Variants in ZSWIM6 observed in about 807,000 individuals in gnomAD.
ZSWIM6 encodes zinc finger SWIM domain-containing protein 6.
In ZSWIM6, 9 loss-of-function variants were observed where a neutral mutation model predicts 113.2. The observed-to-expected ratio is 0.08, with a 90% CI of 0.05 to 0.14. ZSWIM6 has a LOEUF of 0.14. Among genes scored for constraint, ZSWIM6 ranks in the 10% least tolerant of loss-of-function variants. The probability of loss-of-function intolerance (pLI) is 1.00; values close to 1 mark genes in which losing one functional copy is unlikely to be tolerated. For missense variants in ZSWIM6, 1,162 were observed against 1,552.2 expected (o/e 0.75, Z 4.22); for synonymous variants, 611 against 606.5 (o/e 1.01, Z -0.11).
At chr5:61,451,438 A>G (rs528665723) in intron 1 of ZSWIM6, among the ~76,000 whole-genome samples, 4 of 152,322 alleles carry the variant, frequency 2.6e-5, no homozygotes, top group African/African-American at 9.6e-5. Context: ...AGACAGATGC[A>G]TAAGATACTT....
At chr5:61,434,164 G>A (rs1252641008) in intron 1 of ZSWIM6, among the ~76,000 whole-genome samples, 6 of 144,480 alleles carry the variant, frequency 4.2e-5, no homozygotes, top group African/African-American at 1.3e-4. Context: ...ATAAATATAT[G>A]TATTATATAT....
intron 1 of ZSWIM6, among the ~76,000 whole-genome samples, chr5:61,361,928 A>G (rs930750118): frequency 1.8e-4 from 28 of 152,204 alleles, no homozygotes; most frequent in Admixed American, 1.8e-3. Context: ...ACGCTAACAG[A>G]CAAACCTAAA....
At chr5:61,336,573 C>G (rs1453137184) in intron 1 of ZSWIM6, among the ~76,000 whole-genome samples, 1 of 152,056 alleles carries the variant, frequency 6.6e-6, no homozygotes, top group African/African-American at 2.4e-5. Flanking sequence ...GCCTGGCCAA[C>G]ATGGCAAATC....
intron 1 of ZSWIM6, among the ~76,000 whole-genome samples, chr5:61,433,571 C>G (rs957990665): frequency 1.3e-5 from 2 of 151,154 alleles, no homozygotes; most frequent in Non-Finnish European, 2.9e-5. Context: ...CTCCTGGGTT[C>G]AAGCAATTCT....
intron 1 of ZSWIM6, among the ~76,000 whole-genome samples, chr5:61,438,088 T>C (rs1746748234): frequency 1.3e-5 from 2 of 152,186 alleles, no homozygotes; most frequent in Admixed American, 1.3e-4. Flanking sequence ...TAAAGCTGGC[T>C]TAGCATATTA....
intron 4 of ZSWIM6, among the ~76,000 whole-genome samples, chr5:61,497,455 AG>A: frequency 6.6e-6 from 1 of 152,310 alleles, no homozygotes; most frequent in Middle Eastern, 3.4e-3. Context: ...CAGCTAACAA[AG>A]GGACTGATTA....
chr5:61,539,260 G>A (rs555594795), intron 11 of ZSWIM6, among the ~76,000 whole-genome samples: 1 of 152,226 alleles, frequency 6.6e-6, no homozygotes, highest in South Asian at 2.1e-4. Flanking sequence ...TTTTCTTCCT[G>A]AAATATTCAC....
intron 2 of ZSWIM6, among the ~76,000 whole-genome samples, chr5:61,490,211 TG>T (rs971592540): frequency 2.0e-5 from 3 of 152,054 alleles, no homozygotes; most frequent in Non-Finnish European, 4.4e-5. Flanking sequence ...TTATGCAGTT[TG>T]GCAAGGTGAT....
intron 1 of ZSWIM6, among the ~76,000 whole-genome samples, chr5:61,337,732 A>G (rs1411991816): frequency 6.6e-6 from 1 of 152,262 alleles, no homozygotes; most frequent in Non-Finnish European, 1.5e-5. Context: ...ACTTGCATAT[A>G]GATGCATAAA....
At chr5:61,447,721 T>C (rs150459480) in intron 1 of ZSWIM6, among the ~76,000 whole-genome samples, 6 of 152,308 alleles carry the variant, frequency 3.9e-5, no homozygotes, top group African/African-American at 1.4e-4. Context: ...GTTACTGACA[T>C]GCTAGAGGTT....
intron 4 of ZSWIM6, among the ~76,000 whole-genome samples, chr5:61,507,592 C>G: frequency 6.6e-6 from 1 of 152,196 alleles, no homozygotes; most frequent in East Asian, 1.9e-4. Flanking sequence ...CTGTTTCAAT[C>G]TACAATGAAA....
chr5:61,519,568 TG>T, intron 4 of ZSWIM6, among the ~76,000 whole-genome samples: 1 of 116,184 alleles, frequency 8.6e-6, no homozygotes, highest in South Asian at 2.9e-4. Flanking sequence ...CCAAAGTTTT[TG>T]TTGTTATCAT....
intron 7 of ZSWIM6, among the ~76,000 whole-genome samples, chr5:61,528,190 G>A (rs1009460543): frequency 2.0e-5 from 3 of 151,882 alleles, no homozygotes; most frequent in African/African-American, 7.3e-5. Context: ...CTTGTTATGG[G>A]CCAAGATTAG....
chr5:61,367,939 T>C (rs1046905827), intron 1 of ZSWIM6, among the ~76,000 whole-genome samples: 47 of 151,990 alleles, frequency 3.1e-4, no homozygotes, highest in African/African-American at 9.9e-4. Flanking sequence ...CTCTGTAACA[T>C]AGGGAGGCCT....
chr5:61,452,192 C>T (rs1747098998), intron 1 of ZSWIM6, among the ~76,000 whole-genome samples: 2 of 151,978 alleles, frequency 1.3e-5, no homozygotes, highest in African/African-American at 4.8e-5. Flanking sequence ...ATACTGTAAC[C>T]TCCTACTTTT....
At chr5:61,528,185 T>A (rs1376599694) in intron 7 of ZSWIM6, among the ~76,000 whole-genome samples, 2 of 152,158 alleles carry the variant, frequency 1.3e-5, no homozygotes, top group African/African-American at 4.8e-5. Context: ...AGCTACTTGT[T>A]ATGGGCCAAG....
rs576127907 is a variant in ZSWIM6, at chr5:61,357,121, G to C, written c.676+24173G>C. 7.9e-5 allele frequency among the ~76,000 whole-genome samples: 12 copies of C among 152,062 alleles called. No homozygotes were observed. In the South Asian group the frequency reaches 2.3e-3, roughly 29 times the overall value. The stretch of plus-strand genomic sequence containing the variant: ...CTCTGGAGATGGGGCCTAGCATCTG[G>C]GTTTTAATAAGCATTCCAGGTGATT... On this transcript the variant is annotated intron_variant, in intron 1 of 13. Coordinates refer to ENST00000252744, the MANE Select transcript of ZSWIM6 (RefSeq NM_020928.2).
rs577207430 is a variant in ZSWIM6, at chr5:61,391,384, A to G, written c.676+58436A>G. ...AAGCAGGCACATCTGGGTGTAGGCA[A>G]TGATGCAGATGACTTGGCGGTACTT... On this transcript the variant is annotated intron_variant, in intron 1 of 13. Transcript: ENST00000252744. The G allele has an allele frequency of 2.2e-3, 1,831 of 849,108 alleles. 7 individuals are homozygous for G. Among genetic ancestry groups the G allele is most frequent in the Middle Eastern group, 9.7e-3 (29 of 2,984 alleles). The allele number at this position is 849,108 out of a possible 1,614,324, so 52.6% of individuals were successfully genotyped here. A position where few individuals can be genotyped will look rare whatever the true frequency, so the allele number is the denominator to read the frequency against.
intron 1 of ZSWIM6, among the ~76,000 whole-genome samples, chr5:61,351,448 T>C (rs111832399): frequency 1.1e-3 from 163 of 152,260 alleles, no homozygotes; most frequent in African/African-American, 3.6e-3. Flanking sequence ...GTCATATGAC[T>C]GCACTAAGAT....
Sources: allele counts gnomAD v4.1 joint callset (sites outside exome capture counted in the v4.1 genomes callset), GRCh38; gene constraint gnomAD v4.1.1; transcripts MANE v1.5; gene names NCBI Gene and HGNC (gene_info 2026-07-23, HGNC 2026-07-21).